The following ITPRID2 variants were observed in gnomAD, a reference collection of about 807,000 sequenced individuals.
The protein encoded by ITPRID2 is protein ITPRID2.
Under a neutral mutation model 124.3 loss-of-function variants are expected in ITPRID2, and 60 were observed. The ratio of observed to expected loss-of-function variants is 0.48; its 90% CI spans 0.39 to 0.60. The LOEUF is 0.60. Ranked by LOEUF, ITPRID2 falls within the 20% of genes least tolerant of loss-of-function variation. ITPRID2 has a pLI of 0.00. For missense variants in ITPRID2, 1,553 were observed against 1,512.2 expected (o/e 1.03, Z -0.45); for synonymous variants, 521 against 542.9 (o/e 0.96, Z 0.56).
Position 181,918,692 on chromosome 2 carries a change from A to C in ITPRID2, c.2865+17A>C, listed in dbSNP as rs547424948. The stretch of plus-strand genomic sequence containing the variant: ...CTTTATGAAGTAAGTTCTTTCTTAC[A>C]TCTTTGTGTTCCAAAATAATTTGTA... On this transcript the variant is annotated intron_variant, in intron 12 of 17. Transcript: ENST00000431877. The C allele has an allele frequency of 1.4e-5, 23 of 1,613,674 alleles. No individual in the cohort carries two copies. The African/African-American group carries it at 2.5e-4, about 18-fold the overall frequency.
At position 181,929,722 on chromosome 2, in the gene ITPRID2, T is replaced by A; in HGVS notation, c.*175T>A. ...ACCATATATTTTAAAAAGACGTACA[T>A]AGAAACTTAGGCACTTTGCTATTTC... On this transcript the variant is annotated 3_prime_UTR_variant, in exon 18 of 18. Coordinates refer to ENST00000431877, the MANE Select transcript of ITPRID2 (RefSeq NM_001130445.3). 8.8e-7 allele frequency: 1 copy of A among 1,130,900 alleles called. No individual in the cohort carries two copies. The allele number at this position is 1,130,900 out of a possible 1,614,324, so 70.1% of individuals were successfully genotyped here.
chr2:181,896,057 AC>A lies in ITPRID2; in HGVS notation c.286del (p.Gln96LysfsTer11). On this transcript the variant is annotated frameshift_variant, in exon 3 of 18. Transcript: ENST00000431877. LOFTEE classifies it high-confidence loss of function. This position sits in a 1 kb window ranked among gnomAD's most constrained non-coding sequence, Gnocchi z 4.3. The stretch of plus-strand genomic sequence containing the variant: ...CACCTTTGGGAGCCTCACTGGATGA[AC>A]AAAGCAGTAGTACACTCAAGGGTAA... ...RTPLGASLDEQSSSTLKGVLV... is the reference protein window; with the variant it reads ...RTPLGASLDEXSSSTLKGVLV... The A allele has an allele frequency of 6.2e-7, 1 of 1,612,964 alleles. No individual in the cohort carries two copies. The highest frequency in any genetic ancestry group is 1.1e-5 in the South Asian group (1 of 91,038).
At position 181,907,447 on chromosome 2, in the gene ITPRID2, T is replaced by A. The variant is rs1178296539; in HGVS notation, c.1414-2452T>A. 1.5e-4 allele frequency among the ~76,000 whole-genome samples: 1 copy of A among 6,494 alleles called. No homozygotes were observed. The highest frequency in any genetic ancestry group is 7.0e-4 in the Non-Finnish European group (1 of 1,422). The allele number at this position is 6,494 out of a possible 152,430, so 4.3% of individuals were successfully genotyped here. On this transcript the variant is annotated intron_variant, in intron 8 of 17. Transcript: ENST00000431877. The surrounding 1 kb of genome is among the most constrained non-coding windows in gnomAD (Gnocchi z 5.1). ...CAATTTTATCACTTTGGTTTAGTGG[T>A]TTTTTTTTTTTTTTATATTATGAAA...
chr2:181,919,301 A>G lies in ITPRID2; in HGVS notation c.2999A>G (p.Glu1000Gly). Reference sequence around the variant, plus strand: ...GCCCTTCACCATACCAATAGGTTTGAAGTTGATCAGCTCCAGGGTTTGAGA... The same window carrying G: ...GCCCTTCACCATACCAATAGGTTTGGAGTTGATCAGCTCCAGGGTTTGAGA... ...YHHMTEEERFEVDQLQGLRNS... is the reference protein window; with the variant it reads ...YHHMTEEERFGVDQLQGLRNS... The change falls in exon 14 of 18, where the codon GAA (glutamate) becomes GGA (glycine). Residue 1000 changes from glutamate (E) to glycine (G), a missense_variant. Coordinates refer to ENST00000431877, the MANE Select transcript of ITPRID2 (RefSeq NM_001130445.3). This position sits in a 1 kb window ranked among gnomAD's most constrained non-coding sequence, Gnocchi z 4.2. The G allele has an allele frequency of 6.2e-7, 1 of 1,614,020 alleles. No individual in the cohort carries two copies. Among genetic ancestry groups the G allele is most frequent in the Non-Finnish European group, 8.5e-7 (1 of 1,180,030 alleles).
At chr2:181,922,492 G>T in intron 16 of ITPRID2, 80 bp downstream of exon 16, 1 of 1,284,094 alleles carries the variant, frequency 7.8e-7, no homozygotes, top group Admixed American at 2.9e-5. Context: ...ATTATTTACA[G>T]AATGTTCTTT....
chr2:181,922,341 C>T lies in ITPRID2; in HGVS notation c.3604C>T (p.Pro1202Ser), dbSNP rs1246437499. The T allele has an allele frequency of 6.2e-7, 1 of 1,614,002 alleles. No individual in the cohort carries two copies. Among genetic ancestry groups the T allele is most frequent in the East Asian group, 2.2e-5 (1 of 44,898 alleles). Residue 1202 changes from proline to serine, a missense_variant, in exon 16 of 18, where the codon CCA becomes TCA. Transcript: ENST00000431877. ...SEVEEGHGKL[P>S]SMPAAEEMHK... is the part of the protein sequence containing the mutation. ...AGTGGAAGAAGGGCATGGAAAACTC[C>T]CATCAATGCCAGCTGCTGAGGAAAT...
At chr2:181,923,930 C>T (rs1295098786) in intron 16 of ITPRID2, among the ~76,000 whole-genome samples, 1 of 152,026 alleles carries the variant, frequency 6.6e-6, no homozygotes, top group Non-Finnish European at 1.5e-5. Flanking sequence ...TTTAGTTATT[C>T]CCATTAGGCT....
Position 181,892,844 on chromosome 2 carries a change from T to G in ITPRID2, c.257+184T>G, listed in dbSNP as rs953892521. ...AAATGGAAGTGCTGTGACCGCTGAT[T>G]ATTTGGTGACCGTGTTGACTTTACA... On this transcript the variant is annotated intron_variant, in intron 2 of 17. Coordinates refer to ENST00000431877, the MANE Select transcript of ITPRID2 (RefSeq NM_001130445.3). This position sits in a 1 kb window ranked among gnomAD's most constrained non-coding sequence, Gnocchi z 5.2. 3.0e-6 allele frequency: 2 copies of G among 656,672 alleles called. No individual in the cohort carries two copies. The highest frequency in any genetic ancestry group is 2.6e-6 in the Non-Finnish European group (1 of 378,882). The allele number at this position is 656,672 out of a possible 1,614,324, so 40.7% of individuals were successfully genotyped here. A position where few individuals can be genotyped will look rare whatever the true frequency, so the allele number is the denominator to read the frequency against.
At position 181,930,376 on chromosome 2, in the gene ITPRID2, A is replaced by T. The variant is rs1405936212; in HGVS notation, c.*829A>T. The stretch of plus-strand genomic sequence containing the variant: ...TGAATAAGCTGGTGTTTGTTTTTTC[A>T]AAATGGAAGTAATTTAGATTTGTTC... On this transcript the variant is annotated 3_prime_UTR_variant, in exon 18 of 18. Transcript: ENST00000431877. The T allele has an allele frequency of 6.6e-6, 1 of 152,530 alleles. No homozygotes were observed. Among genetic ancestry groups the T allele is most frequent in the Non-Finnish European group, 1.5e-5 (1 of 67,966 alleles). 9.4% of individuals were successfully genotyped at this position (152,530 alleles called of 1,614,324 possible).
chr2:181,891,976 C>G lies in ITPRID2; in HGVS notation c.-91C>G, dbSNP rs914313786. The G allele has an allele frequency of 3.0e-6, 4 of 1,352,682 alleles. No individual in the cohort carries two copies. Among genetic ancestry groups the G allele is most frequent in the African/African-American group, 3.0e-5 (2 of 65,934 alleles). 83.8% of individuals were successfully genotyped at this position (1,352,682 alleles called of 1,614,324 possible). ...CTTCAGCTCCCCGGGGCCCCCTGCC[C>G]GGCCGGGCGCTGACAGCAAGGGCGG... is the stretch of plus-strand genomic sequence containing the variant. On this transcript the variant is annotated 5_prime_UTR_variant, in exon 1 of 18. Transcript: ENST00000431877.
In ITPRID2 at chr2:181,896,140, GGGT is replaced by G. The variant is rs1413161014; in HGVS notation, c.307+62_307+64del. 2.8e-6 allele frequency: 4 copies of G among 1,409,088 alleles called. No homozygotes were observed. The African/African-American group carries it at 4.2e-5, about 15-fold the overall frequency. 87.3% of individuals were successfully genotyped at this position (1,409,088 alleles called of 1,614,324 possible). On this transcript the variant is annotated intron_variant, in intron 3 of 17. Coordinates refer to ENST00000431877, the MANE Select transcript of ITPRID2 (RefSeq NM_001130445.3). The surrounding 1 kb of genome is among the most constrained non-coding windows in gnomAD (Gnocchi z 4.3). The stretch of plus-strand genomic sequence containing the variant: ...TGACAGTTCTACTTCTTTGTCCTCT[GGGT>G]AAAAGTGTATATATGACTTATAAAA...
At position 181,900,852 on chromosome 2, in the gene ITPRID2, G is replaced by A. The variant is rs1470010497; in HGVS notation, c.660G>A (p.Leu220=). ...FAKGIDIKVF[L]SAQMQRMEVE... The stretch of plus-strand genomic sequence containing the variant: ...AAGGGATAGATATTAAAGTATTTTT[G>A]AGTGCTCAGATGCAACGGATGGAAG... The change falls in exon 7 of 18, where the codon TTG becomes TTA. Residue 220 remains leucine, a synonymous_variant. Coordinates refer to ENST00000431877, the MANE Select transcript of ITPRID2 (RefSeq NM_001130445.3). The A allele has an allele frequency of 6.2e-7, 1 of 1,612,850 alleles. No individual in the cohort carries two copies. The highest frequency in any genetic ancestry group is 1.3e-5 in the African/African-American group (1 of 74,834).
At chr2:181,913,769 T>C (rs1693810605) in intron 9 of ITPRID2, 76 bp from the exon 10 acceptor site, 2 of 959,644 alleles carry the variant, frequency 2.1e-6, no homozygotes, top group Middle Eastern at 3.1e-4. Context: ...GTAATATTGC[T>C]CTCAGTAATT....
chr2:181,910,882 AT>A lies in ITPRID2; in HGVS notation c.1486+915del, dbSNP rs1414762042. ...ACTCAAAATTGAACTTTACTATTTA[AT>A]TTTCTTCCCCTTGTAAGTTCATAAA... On this transcript the variant is annotated intron_variant, in intron 9 of 17. Coordinates refer to ENST00000431877, the MANE Select transcript of ITPRID2 (RefSeq NM_001130445.3). This position sits in a 1 kb window ranked among gnomAD's most constrained non-coding sequence, Gnocchi z 4.1. Among the ~76,000 whole-genome samples the A allele has an allele frequency of 6.6e-6, 1 of 152,122 alleles. No homozygotes were observed. The highest frequency in any genetic ancestry group is 1.5e-5 in the Non-Finnish European group (1 of 67,990).
At position 181,920,676 on chromosome 2, in the gene ITPRID2, C is replaced by G. The variant is rs374299312; in HGVS notation, c.3210+14C>G. The stretch of plus-strand genomic sequence containing the variant: ...GTAATGGAACCAGTAAGCTTCTTTC[C>G]TCTTAAATCACTGGGGAAGGGAATG... On this transcript the variant is annotated intron_variant, in intron 15 of 17. Coordinates refer to ENST00000431877, the MANE Select transcript of ITPRID2 (RefSeq NM_001130445.3). 13 of 1,602,904 alleles carry G rather than the reference C, an allele frequency of 8.1e-6. No individual in the cohort carries two copies. In the African/African-American group the frequency reaches 1.6e-4, roughly 20 times the overall value.
chr2:181,902,050 G>A lies in ITPRID2; in HGVS notation c.997G>A (p.Glu333Lys). Residue 333 changes from glutamate (E) to lysine (K), a missense_variant, in exon 8 of 18, where the codon GAA becomes AAA. Physicochemically the swap from Glu to Lys is moderately conservative, Grantham distance 56 (BLOSUM62 1). Coordinates refer to ENST00000431877, the MANE Select transcript of ITPRID2 (RefSeq NM_001130445.3). The surrounding 1 kb of genome is among the most constrained non-coding windows in gnomAD (Gnocchi z 4.4). ...AAAGATTCTAAATGTTTCAGTGATT[G>A]AAGAAAGTGGCAATAAAAACGATCA... ...KGKILNVSVI[E>K]ESGNKNDQKS... 1 of 1,612,386 alleles carries A rather than the reference G, an allele frequency of 6.2e-7. No individual in the cohort carries two copies. Among genetic ancestry groups the A allele is most frequent in the Non-Finnish European group, 8.5e-7 (1 of 1,179,546 alleles).
rs1054345292 is a variant in ITPRID2 at position 181,900,732 on chromosome 2, T to C, written c.540T>C (p.Pro180=). 2 of 1,611,912 alleles carry C rather than the reference T, an allele frequency of 1.2e-6. No individual in the cohort carries two copies. The highest frequency in any genetic ancestry group is 1.7e-6 in the Non-Finnish European group (2 of 1,179,170). The change falls in exon 7 of 18, where the codon CCT becomes CCC. Residue 180 remains proline, a synonymous_variant. Transcript: ENST00000431877. ...TGTTGGAACTTTATGAGGAAGATCCTGAAGAAATTCTTTATAATCTTGGAT... is the reference window on the plus strand; with the variant it reads ...TGTTGGAACTTTATGAGGAAGATCCCGAAGAAATTCTTTATAATCTTGGAT... ...SELLELYEED[P]EEILYNLGFG... is the part of the protein sequence containing the mutation.
Position 181,901,743 on chromosome 2 carries a change from ATTAATATTGT to A in ITPRID2, c.713-20_713-11del. 6.6e-7 allele frequency: 1 copy of A among 1,509,958 alleles called. No homozygotes were observed. Among genetic ancestry groups the A allele is most frequent in the Non-Finnish European group, 9.0e-7 (1 of 1,114,300 alleles). The allele number at this position is 1,509,958 out of a possible 1,614,324, so 93.5% of individuals were successfully genotyped here. A position where few individuals can be genotyped will look rare whatever the true frequency, so the allele number is the denominator to read the frequency against. ...GTATATATATAAATATAAACATATC[ATTAATATTGT>A]TTCTTTTGGTAGGCCGTTTTCGTCA... On this transcript the variant is annotated splice_polypyrimidine_tract_variant and intron_variant, in intron 7 of 17. Coordinates refer to ENST00000431877, the MANE Select transcript of ITPRID2 (RefSeq NM_001130445.3).
intron 15 of ITPRID2, among the ~76,000 whole-genome samples, chr2:181,920,953 G>A (rs978328146): frequency 1.3e-5 from 2 of 152,130 alleles, no homozygotes; most frequent in South Asian, 4.1e-4. Flanking sequence ...AATGGTTGAG[G>A]TGGAAGGATT....
Sources: allele counts gnomAD v4.1 joint callset (sites outside exome capture counted in the v4.1 genomes callset), GRCh38; gene constraint gnomAD v4.1.1; non-coding constraint Gnocchi (gnomAD v3.1); transcripts MANE v1.5; gene names NCBI Gene and HGNC (gene_info 2026-07-23, HGNC 2026-07-21).